The following IQUB variants were observed in gnomAD, a reference collection of about 807,000 sequenced individuals.
IQUB encodes the protein IQ motif and ubiquitin domain containing.
A neutral mutation model predicts 86.4 loss-of-function variants in IQUB; 86 were observed. That is an observed-to-expected ratio of 1.00 (90% confidence interval 0.84 to 1.19). The LOEUF (loss-of-function observed/expected upper bound fraction) is 1.19, where lower values mean the gene tolerates loss of function less well. Among genes scored for constraint, IQUB ranks in the 50% most tolerant of loss-of-function variants. The probability of loss-of-function intolerance (pLI) is 0.00; values close to 1 mark genes in which losing one functional copy is unlikely to be tolerated. For synonymous variants in IQUB, 289 were observed against 304.5 expected, an observed-to-expected ratio of 0.95 and a Z score of 0.53; for missense variants, 946 against 916.9, an observed-to-expected ratio of 1.03 and a Z score of -0.41.
At chr7:123,493,341 C>A (rs1459129096) in intron 7 of IQUB, among the ~76,000 whole-genome samples, 1 of 152,164 alleles carries the variant, frequency 6.6e-6, no homozygotes, top group Non-Finnish European at 1.5e-5. Context: ...CTCTTCAAAT[C>A]TCTCCTAGCC....
At chr7:123,494,915 T>C (rs972082580) in intron 7 of IQUB, among the ~76,000 whole-genome samples, 4 of 152,072 alleles carry the variant, frequency 2.6e-5, no homozygotes, top group Non-Finnish European at 4.4e-5. Flanking sequence ...TTTTGCACAG[T>C]TGTCTGTTAA....
At chr7:123,510,893 T>C (rs1438431778) in intron 2 of IQUB, among the ~76,000 whole-genome samples, 1 of 152,132 alleles carries the variant, frequency 6.6e-6, no homozygotes, top group Non-Finnish European at 1.5e-5. Context: ...TAGTGACTTC[T>C]TAAGCTTTGG....
chr7:123,525,645 A>G (rs1797165335), intron 1 of IQUB, among the ~76,000 whole-genome samples: 1 of 152,108 alleles, frequency 6.6e-6, no homozygotes, highest in Non-Finnish European at 1.5e-5. Flanking sequence ...ATCCTTTCAA[A>G]AAACCAGCTC....
Position 123,479,832 on chromosome 7 carries a change from G to T in IQUB, c.1373C>A (p.Ala458Glu). The T allele has an allele frequency of 6.2e-7, 1 of 1,612,244 alleles. No individual in the cohort carries two copies. Among genetic ancestry groups the T allele is most frequent in the South Asian group, 1.1e-5 (1 of 90,764 alleles). ...AGCTTGTATTGCTGCTTCCTGATTT[G>T]CCATATAAGCAATGTATCTATGTCT... is the stretch of plus-strand genomic sequence containing the variant. ...IGRHRYIAYM[A>E]NQEAAIQAFL... Residue 458 changes from alanine (A) to glutamate (E), a missense_variant, in exon 8 of 13, where the codon GCA (alanine) becomes GAA (glutamate). Coordinates refer to ENST00000324698, the MANE Select transcript of IQUB (RefSeq NM_178827.5).
At chr7:123,460,626 CAAGT>C (rs1318892158) in intron 11 of IQUB, among the ~76,000 whole-genome samples, 3 of 151,882 alleles carry the variant, frequency 2.0e-5, no homozygotes, top group Non-Finnish European at 4.4e-5. Flanking sequence ...ATATCAACAA[CAAGT>C]AAGTCCTTCT....
chr7:123,512,117 T>A lies in IQUB; in HGVS notation c.224A>T (p.Asn75Ile), dbSNP rs374732816. ...DQSFSSLEPD[N>I]EQLMEEVISP... is the part of the protein sequence containing the mutation. ...TATAACCTCTTCCATGAGTTGTTCA[T>A]TGTCTGGTTCCAGGCTTGAAAAGCT... Residue 75 changes from asparagine (N) to isoleucine (I), a missense_variant, in exon 2 of 13, where the codon AAT (asparagine) becomes ATT (isoleucine). Transcript: ENST00000324698. 1.2e-6 allele frequency: 2 copies of A among 1,613,976 alleles called. No homozygotes were observed. The highest frequency in any genetic ancestry group is 1.3e-5 in the African/African-American group (1 of 74,936).
intron 6 of IQUB, among the ~76,000 whole-genome samples, chr7:123,500,786 T>C (rs1033739809): frequency 1.3e-5 from 2 of 152,114 alleles, no homozygotes; most frequent in Non-Finnish European, 2.9e-5. Flanking sequence ...TCCTCTGCTC[T>C]ACTAAGTCAA....
chr7:123,502,466 G>T, intron 6 of IQUB, 131 bp downstream of exon 6: 1 of 720,002 alleles, frequency 1.4e-6, no homozygotes, highest in South Asian at 1.7e-5. Context: ...TGCTTTGTTA[G>T]CAGTGAAATA....
At chr7:123,482,075 G>T (rs1795032936) in intron 7 of IQUB, among the ~76,000 whole-genome samples, 2 of 151,814 alleles carry the variant, frequency 1.3e-5, no homozygotes. Flanking sequence ...CATAAAACTG[G>T]GGGGGAGAAC....
At chr7:123,477,121 G>A (rs570342555) in intron 8 of IQUB, among the ~76,000 whole-genome samples, 93 of 152,200 alleles carry the variant, frequency 6.1e-4, no homozygotes, top group South Asian at 3.5e-3. Flanking sequence ...AAGAGAGCCC[G>A]CATTACCAAG....
intron 1 of IQUB, among the ~76,000 whole-genome samples, chr7:123,523,896 G>A (rs1428484086): frequency 6.6e-6 from 1 of 152,096 alleles, no homozygotes; most frequent in African/African-American, 2.4e-5. Flanking sequence ...TGTAAGGAAG[G>A]GATCCAGTTT....
chr7:123,492,709 G>A (rs1296497077), intron 7 of IQUB, among the ~76,000 whole-genome samples: 1 of 152,082 alleles, frequency 6.6e-6, no homozygotes, highest in Admixed American at 6.5e-5. Context: ...TTTGGGAGAT[G>A]AGTGAATGAG....
At chr7:123,472,725 T>G (rs1563437365) in intron 8 of IQUB, among the ~76,000 whole-genome samples, 1 of 152,238 alleles carries the variant, frequency 6.6e-6, no homozygotes, top group Non-Finnish European at 1.5e-5. Flanking sequence ...TTAGATGTAT[T>G]TCTGCCAACA....
At chr7:123,510,084 T>C (rs1473347774) in intron 2 of IQUB, 49 bp from the exon 3 acceptor site, 5 of 1,222,654 alleles carry the variant, frequency 4.1e-6, no homozygotes, top group Non-Finnish European at 5.8e-6. Flanking sequence ...ATAGCAAAGG[T>C]CAGCAAACTA....
At chr7:123,528,924 C>T (rs2117385159) in intron 1 of IQUB, among the ~76,000 whole-genome samples, 1 of 152,164 alleles carries the variant, frequency 6.6e-6, no homozygotes, top group Admixed American at 6.5e-5. Flanking sequence ...TATGTGTAAA[C>T]TCTCACTGCA....
chr7:123,518,714 C>T (rs1796764246), intron 1 of IQUB, among the ~76,000 whole-genome samples: 1 of 152,188 alleles, frequency 6.6e-6, no homozygotes, highest in African/African-American at 2.4e-5. Context: ...CTGCCTCAGC[C>T]TCCCAAATAG....
chr7:123,489,621 C>A (rs1364527684), intron 7 of IQUB, among the ~76,000 whole-genome samples: 1 of 150,872 alleles, frequency 6.6e-6, no homozygotes. Context: ...TCATTTAAAA[C>A]TTAGGAAATA....
chr7:123,508,771 C>A (rs1339531172), intron 3 of IQUB, among the ~76,000 whole-genome samples: 1 of 152,214 alleles, frequency 6.6e-6, no homozygotes, highest in Non-Finnish European at 1.5e-5. Context: ...CTGCCACTTA[C>A]AAGTTTTGTG....
chr7:123,455,207 A>T (rs1163693987), intron 12 of IQUB, among the ~76,000 whole-genome samples: 1 of 152,110 alleles, frequency 6.6e-6, no homozygotes, highest in Non-Finnish European at 1.5e-5. Context: ...TATTCATCTC[A>T]AACATTTATC....
Sources: allele counts gnomAD v4.1 joint callset (sites outside exome capture counted in the v4.1 genomes callset), GRCh38; gene constraint gnomAD v4.1.1; transcripts MANE v1.5; gene names NCBI Gene and HGNC (gene_info 2026-07-23, HGNC 2026-07-21).